The following RANBP2 variants were observed in gnomAD, a reference collection of about 807,000 sequenced individuals.
The protein encoded by RANBP2 is E3 SUMO-protein ligase RanBP2.
In RANBP2, 57 loss-of-function variants were observed where a neutral mutation model predicts 303.6. The ratio of observed to expected loss-of-function variants is 0.19; its 90% CI spans 0.15 to 0.23. The LOEUF (loss-of-function observed/expected upper bound fraction) is 0.23. RANBP2 is among the 10% of genes least tolerant of loss of function. RANBP2 has a pLI of 1.00. For synonymous variants in RANBP2, 1,167 were observed against 1,301.5 expected, an observed-to-expected ratio of 0.90 and a Z score of 2.23; for missense variants, 3,138 against 3,780.8, an observed-to-expected ratio of 0.83 and a Z score of 4.46.
At chr2:109,305,107 T>C in the RANBP2 span, among the ~76,000 whole-genome samples, 1 of 152,204 alleles carries the variant, frequency 6.6e-6, no homozygotes, top group Non-Finnish European at 1.5e-5. Flanking sequence ...TCTAAGAGAC[T>C]TCTGATTATT....
chr2:108,873,735 A>G, the RANBP2 span: 1 of 555,650 alleles, frequency 1.8e-6, no homozygotes, highest in East Asian at 2.9e-5. Context: ...CGCTAACACT[A>G]ACGATAGCTG....
chr2:109,035,519 GCAGAAGCCTCCAAC>G, the RANBP2 span, among the ~76,000 whole-genome samples: 4 of 145,942 alleles, frequency 2.7e-5, no homozygotes, highest in Non-Finnish European at 6.0e-5. Context: ...ATGAGGCACT[GCAGAAGCCTCCAAC>G]CAGAAACCAC....
chr2:109,381,319 G>T, the RANBP2 span, among the ~76,000 whole-genome samples: 3 of 152,208 alleles, frequency 2.0e-5, no homozygotes, highest in Non-Finnish European at 4.4e-5. Flanking sequence ...CTGTTTTTCT[G>T]CTTCTCCTGT....
the RANBP2 span, among the ~76,000 whole-genome samples, chr2:108,956,950 C>T: frequency 2.6e-5 from 4 of 152,152 alleles, no homozygotes; most frequent in South Asian, 2.1e-4. Flanking sequence ...CACCACGCCC[C>T]GCTAATTTTT....
the RANBP2 span, among the ~76,000 whole-genome samples, chr2:109,529,025 C>T: frequency 1.4e-4 from 21 of 152,190 alleles, no homozygotes; most frequent in Non-Finnish European, 8.8e-5. Context: ...GCTTGTGCCA[C>T]GGGTGCTGAG....
At chr2:109,521,788 G>A in the RANBP2 span, among the ~76,000 whole-genome samples, 1 of 152,126 alleles carries the variant, frequency 6.6e-6, no homozygotes, top group Non-Finnish European at 1.5e-5. Context: ...AATCTCCTTG[G>A]GGGTTGTGCT....
At chr2:109,687,307 G>A in the RANBP2 span, among the ~76,000 whole-genome samples, 3 of 152,172 alleles carry the variant, frequency 2.0e-5, no homozygotes, top group Non-Finnish European at 4.4e-5. Flanking sequence ...CCTGCATGCT[G>A]AGCCCTGTAT....
chr2:109,270,748 A>G, the RANBP2 span, among the ~76,000 whole-genome samples: 2 of 152,136 alleles, frequency 1.3e-5, no homozygotes, highest in Admixed American at 6.5e-5. Context: ...TCTTATGTAG[A>G]TTGACCTTTC....
intron 2 of RANBP2, among the ~76,000 whole-genome samples, chr2:108,729,883 C>T (rs542901328): frequency 1.3e-5 from 2 of 152,170 alleles, no homozygotes; most frequent in African/African-American, 4.8e-5. Context: ...CCACACCTGG[C>T]TAAGGTTTGC....
the RANBP2 span, among the ~76,000 whole-genome samples, chr2:109,579,320 T>C: frequency 5.9e-5 from 9 of 152,194 alleles, no homozygotes; most frequent in East Asian, 1.7e-3. Context: ...TGATTTTTTT[T>C]ATTGGTTAAG....
the RANBP2 span, among the ~76,000 whole-genome samples, chr2:109,182,456 G>A: frequency 6.6e-6 from 1 of 152,098 alleles, no homozygotes; most frequent in South Asian, 2.1e-4. Context: ...AAACTTTGGG[G>A]GACACACTCA....
the RANBP2 span, among the ~76,000 whole-genome samples, chr2:109,293,642 T>G: frequency 1.3e-5 from 2 of 152,368 alleles, no homozygotes; most frequent in Middle Eastern, 6.8e-3. Context: ...TCATTTGTCT[T>G]TGGGCAGGGC....
chr2:108,977,712 G>A, the RANBP2 span, among the ~76,000 whole-genome samples: 1 of 152,222 alleles, frequency 6.6e-6, no homozygotes, highest in Admixed American at 6.5e-5. Flanking sequence ...ACAAAGCCCT[G>A]GAGATTCCTC....
the RANBP2 span, chr2:109,585,931 A>G: frequency 1.2e-6 from 1 of 843,218 alleles, no homozygotes. Flanking sequence ...AATATATCAA[A>G]TAAATGAAAA....
the RANBP2 span, among the ~76,000 whole-genome samples, chr2:109,313,977 T>C: frequency 1.3e-5 from 2 of 152,060 alleles, no homozygotes; most frequent in African/African-American, 2.4e-5. Context: ...TTGAAGGCTT[T>C]GGAACTGGGA....
At chr2:109,693,343 T>C in the RANBP2 span, among the ~76,000 whole-genome samples, 1 of 152,122 alleles carries the variant, frequency 6.6e-6, no homozygotes, top group South Asian at 2.1e-4. Context: ...CAGCTGTTTT[T>C]TTCTATTTTT....
chr2:108,813,276 A>G, the RANBP2 span, among the ~76,000 whole-genome samples: 1 of 146,140 alleles, frequency 6.8e-6, no homozygotes, highest in Non-Finnish European at 1.5e-5. Context: ...AAAAAAAGAA[A>G]ATTTCTCCAA....
chr2:109,441,023 C>G, the RANBP2 span, among the ~76,000 whole-genome samples: 1 of 151,692 alleles, frequency 6.6e-6, no homozygotes, highest in Admixed American at 6.6e-5. Flanking sequence ...AGACTGAGCA[C>G]TGTTCCAATT....
At chr2:109,632,379 A>C in the RANBP2 span, among the ~76,000 whole-genome samples, 2 of 152,070 alleles carry the variant, frequency 1.3e-5, no homozygotes, top group Non-Finnish European at 2.9e-5. Context: ...TCTGAAGGGG[A>C]CTAGGGGTCT....
Sources: allele counts gnomAD v4.1 joint callset (sites outside exome capture counted in the v4.1 genomes callset), GRCh38; gene constraint gnomAD v4.1.1; transcripts MANE v1.5; gene names NCBI Gene and HGNC (gene_info 2026-07-23, HGNC 2026-07-21).